The following GMPS variants were observed in gnomAD, a reference collection of about 807,000 sequenced individuals.
GMPS encodes GMP synthase [glutamine-hydrolyzing].
In GMPS, 15 loss-of-function variants were observed where a neutral mutation model predicts 77.9. The ratio of observed to expected loss-of-function variants is 0.19; its 90% confidence interval spans 0.13 to 0.30. GMPS has a LOEUF of 0.30. GMPS is among the 10% of genes least tolerant of loss of function. The pLI is 1.00. For missense variants in GMPS, 590 were observed against 838.8 expected, an observed-to-expected ratio of 0.70 and a Z score of 3.66; for synonymous variants, 224 against 275.9, an observed-to-expected ratio of 0.81 and a Z score of 1.86.
intron 15 of GMPS, among the ~76,000 whole-genome samples, 188 bp downstream of exon 15, chr3:155,936,698 TA>T (rs1755774458): frequency 6.6e-6 from 1 of 152,152 alleles, no homozygotes. Flanking sequence ...TTAAATTATA[TA>T]TGCTCTCCAA....
chr3:155,883,892 ACCC>A (rs1754268679), intron 1 of GMPS, among the ~76,000 whole-genome samples: 1 of 152,078 alleles, frequency 6.6e-6, no homozygotes, highest in African/African-American at 2.4e-5. Flanking sequence ...CTGAATGTTT[ACCC>A]TTTTCAAAAT....
At chr3:155,878,690 T>C (rs1000253567) in intron 1 of GMPS, among the ~76,000 whole-genome samples, 2 of 152,090 alleles carry the variant, frequency 1.3e-5, no homozygotes, top group African/African-American at 4.8e-5. Context: ...AATAGATATA[T>C]ATATAGAGAG....
At chr3:155,903,020 C>CT (rs1159746582) in intron 3 of GMPS, among the ~76,000 whole-genome samples, 1 of 152,110 alleles carries the variant, frequency 6.6e-6, no homozygotes, top group East Asian at 1.9e-4. Flanking sequence ...ATATGCTACT[C>CT]TGAGTTATAA....
At chr3:155,911,006 A>C (rs1755022991) in intron 6 of GMPS, 108 bp from the exon 7 acceptor site, 3 of 1,103,900 alleles carry the variant, frequency 2.7e-6, no homozygotes, top group African/African-American at 1.6e-5. Context: ...TCCAGTTACC[A>C]TACATATCTT....
rs77440100 is a variant in GMPS at position 155,940,740 on chromosome 3, G to GT, written c.*3066dup. 0.44 allele frequency: 75,997 copies of GT among 174,304 alleles called. 14,790 individuals carry two copies. The highest frequency in any genetic ancestry group is 0.52 in the African/African-American group (20,529 of 39,166). 10.8% of individuals were successfully genotyped at this position (174,304 alleles called of 1,614,324 possible). On this transcript the variant is annotated 3_prime_UTR_variant, in exon 16 of 16. Transcript: ENST00000496455. ...AGACAGAATGGAGAAGCTGGATAGT[G>GT]TTTTTTTTTTTTTTTTTTAAGGTTC...
At chr3:155,870,521 C>T, upstream of GMPS, 1 of 236,232 alleles carries the variant, frequency 4.2e-6, no homozygotes, top group Admixed American at 5.7e-5. Context: ...CCGGGCGCCG[C>T]GAGCCCCTCC....
intron 11 of GMPS, among the ~76,000 whole-genome samples, chr3:155,922,755 A>G (rs185152001): frequency 1.4e-3 from 220 of 152,326 alleles, no homozygotes; most frequent in African/African-American, 5.2e-3. Flanking sequence ...ATATCTTCAC[A>G]CTATGCAACC....
rs1295369699 is a variant in GMPS at position 155,937,880 on chromosome 3, G to A, written c.*188G>A. 3.8e-6 allele frequency: 2 copies of A among 521,158 alleles called. No individual in the cohort carries two copies. The highest frequency in any genetic ancestry group is 6.7e-6 in the Non-Finnish European group (2 of 296,304). 32.3% of individuals were successfully genotyped at this position (521,158 alleles called of 1,614,324 possible). A position where few individuals can be genotyped will look rare whatever the true frequency, so the allele number is the denominator to read the frequency against. Reference sequence around the variant, plus strand: ...CCAAAAGGGACTGAAGAGTTTGTACGGGTAAATAATCAAAGCACCATTGCC... The same window carrying A: ...CCAAAAGGGACTGAAGAGTTTGTACAGGTAAATAATCAAAGCACCATTGCC... On this transcript the variant is annotated 3_prime_UTR_variant, in exon 16 of 16. Transcript: ENST00000496455.
intron 1 of GMPS, among the ~76,000 whole-genome samples, chr3:155,875,938 T>G (rs1421691371): frequency 6.6e-6 from 1 of 152,034 alleles, no homozygotes; most frequent in East Asian, 1.9e-4. Flanking sequence ...GGGAATAAGA[T>G]CTCTAAACTG....
intron 1 of GMPS, among the ~76,000 whole-genome samples, chr3:155,885,084 G>T (rs564791194): frequency 6.6e-6 from 1 of 152,298 alleles, no homozygotes; most frequent in South Asian, 2.1e-4. Flanking sequence ...AACAATATAC[G>T]TAACACGTAG....
At chr3:155,869,677 T>C (rs577455953), upstream of GMPS, among the ~76,000 whole-genome samples, 9 of 152,332 alleles carry the variant, frequency 5.9e-5, no homozygotes, top group African/African-American at 1.9e-4. Context: ...ACATCAATCC[T>C]ACCTTACTAC....
intron 5 of GMPS, among the ~76,000 whole-genome samples, chr3:155,908,470 A>G (rs941845451): frequency 3.9e-5 from 6 of 152,186 alleles, no homozygotes; most frequent in African/African-American, 1.4e-4. Context: ...TTTCCTGGTC[A>G]TGTGAAAAGA....
chr3:155,942,164 G>A lies in GMPS; in HGVS notation c.*4472G>A, dbSNP rs1384421136. Reference sequence around the variant, plus strand: ...TGCAGTGGCACAATCTCGGCTCACTGCAAGCTCCGCTTCGTGGGTTCACGC... The same window carrying A: ...TGCAGTGGCACAATCTCGGCTCACTACAAGCTCCGCTTCGTGGGTTCACGC... On this transcript the variant is annotated 3_prime_UTR_variant, in exon 16 of 16. Coordinates refer to ENST00000496455, the MANE Select transcript of GMPS (RefSeq NM_003875.3). 1.1e-5 allele frequency: 2 copies of A among 185,190 alleles called. No individual in the cohort carries two copies. The highest frequency in any genetic ancestry group is 2.3e-5 in the Non-Finnish European group (2 of 87,612). 11.5% of individuals were successfully genotyped at this position (185,190 alleles called of 1,614,324 possible).
rs1040953775 is a variant in GMPS at position 155,943,571 on chromosome 3, GAGTA to G, written c.*5884_*5887del. 36 of 178,966 alleles carry G rather than the reference GAGTA, an allele frequency of 2.0e-4. No homozygotes were observed. The highest frequency in any genetic ancestry group is 8.5e-4 in the African/African-American group (36 of 42,352). The allele number at this position is 178,966 out of a possible 1,614,324, so 11.1% of individuals were successfully genotyped here. On this transcript the variant is annotated 3_prime_UTR_variant, in exon 16 of 16. Coordinates refer to ENST00000496455, the MANE Select transcript of GMPS (RefSeq NM_003875.3). Reference sequence around the variant, plus strand: ...TTATAAAGAAATATTTTGTTAATTGGAGTAAGTAGTATTGTTATGAAATCACTGT... The same window carrying G: ...TTATAAAGAAATATTTTGTTAATTGGAGTAGTATTGTTATGAAATCACTGT...
chr3:155,871,018 C>T, intron 1 of GMPS, 121 bp downstream of exon 1: 1 of 916,378 alleles, frequency 1.1e-6, no homozygotes, highest in Admixed American at 4.2e-5. Context: ...AGCCCTGCGC[C>T]CCGGGCAGCC....
At chr3:155,879,864 G>A (rs1230323174) in intron 1 of GMPS, among the ~76,000 whole-genome samples, 3 of 151,024 alleles carry the variant, frequency 2.0e-5, no homozygotes, top group Non-Finnish European at 4.4e-5. Flanking sequence ...CTGAGTAGCT[G>A]GGATTTCAGG....
At chr3:155,914,636 C>T in intron 8 of GMPS, 66 bp downstream of exon 8, 2 of 1,059,446 alleles carry the variant, frequency 1.9e-6, no homozygotes, top group Non-Finnish European at 2.6e-6. Context: ...TTTGTTTTTC[C>T]TTGTCACTAT....
intron 7 of GMPS, among the ~76,000 whole-genome samples, chr3:155,914,064 G>A (rs1474256851): frequency 4.0e-5 from 6 of 151,510 alleles, no homozygotes; most frequent in African/African-American, 4.9e-5. Flanking sequence ...CTCCTGCCTC[G>A]GCTTCCCAAG....
chr3:155,872,991 G>A (rs1753940263), intron 1 of GMPS, among the ~76,000 whole-genome samples: 1 of 152,080 alleles, frequency 6.6e-6, no homozygotes, highest in Admixed American at 6.6e-5. Context: ...ATTTCTAAGA[G>A]GCCCACCTGG....
Sources: allele counts gnomAD v4.1 joint callset (sites outside exome capture counted in the v4.1 genomes callset), GRCh38; gene constraint gnomAD v4.1.1; transcripts MANE v1.5; gene names NCBI Gene and HGNC (gene_info 2026-07-23, HGNC 2026-07-21).